The following BTBD9 variants were observed in gnomAD, a reference collection of about 807,000 sequenced individuals.
The protein encoded by BTBD9 is BTB domain containing 9, also known as BTB/POZ domain-containing protein 9.
In BTBD9, 49 loss-of-function variants were observed where a neutral mutation model predicts 64.3. The observed-to-expected ratio is 0.76, with a 90% CI of 0.61 to 0.97. The LOEUF (loss-of-function observed/expected upper bound fraction) is 0.97, where lower values mean the gene tolerates loss of function less well. Among genes scored for constraint, BTBD9 ranks in the 50% least tolerant of loss-of-function variants. The probability of loss-of-function intolerance (pLI) is 0.00; values close to 1 mark genes in which losing one functional copy is unlikely to be tolerated. For synonymous variants in BTBD9, 260 were observed against 274.7 expected (o/e 0.95, Z 0.53); for missense variants, 598 against 762.1 (o/e 0.78, Z 2.53).
At chr6:38,258,167 G>A (rs1304271006) in intron 8 of BTBD9, among the ~76,000 whole-genome samples, 1 of 151,860 alleles carries the variant, frequency 6.6e-6, no homozygotes, top group Non-Finnish European at 1.5e-5. Flanking sequence ...TGTAGTTTTA[G>A]TAGAGATGGG....
chr6:38,556,546 TGTGTGA>T lies in BTBD9; in HGVS notation c.1154+21048_1154+21053del, dbSNP rs1162221410. 9.8e-3 allele frequency among the ~76,000 whole-genome samples: 996 copies of T among 101,918 alleles called. 4 individuals carry two copies. Among genetic ancestry groups the T allele is most frequent in the South Asian group, 0.016 (50 of 3,150 alleles). 66.9% of individuals were successfully genotyped at this position (101,918 alleles called of 152,430 possible). On this transcript the variant is annotated intron_variant, in intron 6 of 10. Coordinates refer to ENST00000481247, the MANE Select transcript of BTBD9 (RefSeq NM_001099272.2). ...GTGTGTGTGTGTGTGTGTGTGTGTG[TGTGTGA>T]GAGAGAGAGAGAGAGAGAGAGAGAT...
At chr6:38,555,154 A>G (rs915937784) in intron 6 of BTBD9, among the ~76,000 whole-genome samples, 4 of 152,196 alleles carry the variant, frequency 2.6e-5, no homozygotes, top group Admixed American at 2.0e-4. Context: ...CTCTTCTAGA[A>G]TAGATTATTG....
chr6:38,177,637 C>T (rs1383418949), intron 10 of BTBD9, among the ~76,000 whole-genome samples: 1 of 152,186 alleles, frequency 6.6e-6, no homozygotes, highest in Non-Finnish European at 1.5e-5. Flanking sequence ...CTGGTAAGAG[C>T]CTGGGAAGAG....
chr6:38,326,202 T>A (rs1317914826), intron 7 of BTBD9, among the ~76,000 whole-genome samples: 1 of 152,068 alleles, frequency 6.6e-6, no homozygotes, highest in Non-Finnish European at 1.5e-5. Context: ...TGAGGGGCAT[T>A]CCAGAGCGAA....
At chr6:38,381,608 G>T (rs1765936707) in intron 6 of BTBD9, among the ~76,000 whole-genome samples, 1 of 152,032 alleles carries the variant, frequency 6.6e-6, no homozygotes, top group Non-Finnish European at 1.5e-5. Context: ...TGAACATAAA[G>T]AGAATAATGT....
At chr6:38,428,491 G>A (rs1768283499) in intron 6 of BTBD9, among the ~76,000 whole-genome samples, 2 of 150,222 alleles carry the variant, frequency 1.3e-5, no homozygotes, top group East Asian at 2.0e-4. Context: ...TCCTGGGCTC[G>A]AGTGATCCGT....
At chr6:38,466,741 C>G (rs531000277) in intron 6 of BTBD9, among the ~76,000 whole-genome samples, 49 of 151,932 alleles carry the variant, frequency 3.2e-4, no homozygotes, top group African/African-American at 1.1e-3. Flanking sequence ...CCATGCCCAG[C>G]TGATTTTTGT....
chr6:38,303,844 T>TATATAC (rs1762502622), intron 7 of BTBD9, among the ~76,000 whole-genome samples: 1 of 63,556 alleles, frequency 1.6e-5, no homozygotes, highest in Admixed American at 1.7e-4. Flanking sequence ...TTGCTAGATA[T>TATATAC]ATATATATAT....
At chr6:38,535,262 C>T (rs771475831) in intron 6 of BTBD9, among the ~76,000 whole-genome samples, 11 of 151,966 alleles carry the variant, frequency 7.2e-5, no homozygotes, top group Non-Finnish European at 1.5e-4. Context: ...ACAACAGGTA[C>T]ACATAAAATT....
intron 7 of BTBD9, among the ~76,000 whole-genome samples, chr6:38,297,400 T>C (rs971895865): frequency 1.2e-4 from 18 of 152,172 alleles, no homozygotes; most frequent in Admixed American, 6.6e-4. Context: ...ACTATGACTA[T>C]AGATTTGTCA....
chr6:38,301,838 G>GT (rs1762415009), intron 7 of BTBD9, among the ~76,000 whole-genome samples: 1 of 151,982 alleles, frequency 6.6e-6, no homozygotes, highest in Non-Finnish European at 1.5e-5. Flanking sequence ...TTTTTGAAGG[G>GT]TTTTTTGTGT....
At chr6:38,282,182 C>T (rs1042868876) in intron 8 of BTBD9, among the ~76,000 whole-genome samples, 1 of 152,048 alleles carries the variant, frequency 6.6e-6, no homozygotes, top group Non-Finnish European at 1.5e-5. Context: ...GAAGACTTCC[C>T]GTTATTTAAA....
chr6:38,539,817 A>G (rs1301128933), intron 6 of BTBD9, among the ~76,000 whole-genome samples: 3 of 152,218 alleles, frequency 2.0e-5, no homozygotes, highest in Admixed American at 6.5e-5. Flanking sequence ...TAAAAATAAC[A>G]TATTTTAAAA....
chr6:38,440,347 G>C (rs528261720), intron 6 of BTBD9, among the ~76,000 whole-genome samples: 11 of 152,280 alleles, frequency 7.2e-5, no homozygotes, highest in Admixed American at 6.5e-4. Context: ...AGGTGTCCTG[G>C]AAGTCAAGTA....
intron 6 of BTBD9, among the ~76,000 whole-genome samples, chr6:38,438,782 A>C (rs1162871832): frequency 6.6e-6 from 1 of 152,214 alleles, no homozygotes; most frequent in African/African-American, 2.4e-5. Context: ...TTAGTAAAAT[A>C]TATTTGGTTA....
chr6:38,552,134 C>T (rs2127448344), intron 6 of BTBD9, among the ~76,000 whole-genome samples: 1 of 152,274 alleles, frequency 6.6e-6, no homozygotes, highest in South Asian at 2.1e-4. Context: ...TACAGTAAAA[C>T]TGGACTGGAA....
At chr6:38,596,531 T>G (rs1582693959) in intron 2 of BTBD9, among the ~76,000 whole-genome samples, 1 of 150,944 alleles carries the variant, frequency 6.6e-6, no homozygotes, top group Admixed American at 6.6e-5. Context: ...CCAGGTGCAG[T>G]GGCTCAAGCC....
chr6:38,276,265 C>A (rs139934624), intron 8 of BTBD9, among the ~76,000 whole-genome samples: 122 of 150,732 alleles, frequency 8.1e-4, no homozygotes, highest in African/African-American at 2.8e-3. Flanking sequence ...AACCAAACAC[C>A]GCATGTTCTC....
chr6:38,209,634 C>A (rs529047986), intron 9 of BTBD9, among the ~76,000 whole-genome samples: 4 of 152,280 alleles, frequency 2.6e-5, no homozygotes, highest in African/African-American at 7.2e-5. Context: ...CTGCTTGAGT[C>A]CTTTTTAAAT....
Sources: gnomAD v4.1 joint callset for allele counts (sites outside exome capture counted in the v4.1 genomes callset) on GRCh38, gnomAD v4.1.1 for gene constraint, MANE v1.5 for transcripts, NCBI Gene and HGNC (gene_info 2026-07-23, HGNC 2026-07-21) for gene names.